The following MRTFA variants were observed in gnomAD, a reference collection of about 807,000 sequenced individuals.
MRTFA encodes myocardin related transcription factor A.
In MRTFA, 20 loss-of-function variants were observed where a neutral mutation model predicts 83.5. The observed-to-expected ratio is 0.24, with a 90% CI of 0.17 to 0.35. The LOEUF is 0.35. Among genes scored for constraint, MRTFA ranks in the 10% least tolerant of loss-of-function variants. The probability of loss-of-function intolerance (pLI) is 1.00; values close to 1 mark genes in which losing one functional copy is unlikely to be tolerated. For missense variants in MRTFA, 1,200 were observed against 1,224.7 expected (o/e 0.98, Z 0.30); for synonymous variants, 659 against 541.2 (o/e 1.22, Z -3.02).
chr22:40,544,832 G>A (rs1467408685), intron 3 of MRTFA, among the ~76,000 whole-genome samples: 1 of 152,074 alleles, frequency 6.6e-6, no homozygotes, highest in Non-Finnish European at 1.5e-5. Context: ...AACTACTCAG[G>A]AGGGTGAGGC....
At chr22:40,609,896 CG>C (rs1192451726) in intron 1 of MRTFA, among the ~76,000 whole-genome samples, 5 of 152,030 alleles carry the variant, frequency 3.3e-5, no homozygotes, top group Admixed American at 3.3e-4. Context: ...GGCAGATAAA[CG>C]TATGTCCTCT....
At chr22:40,502,225 G>A (rs1304843045) in intron 3 of MRTFA, among the ~76,000 whole-genome samples, 1 of 145,070 alleles carries the variant, frequency 6.9e-6, no homozygotes, top group Non-Finnish European at 1.5e-5. Context: ...CTTCCCAGAT[G>A]GGGTGGCTGC....
In MRTFA at chr22:40,421,091, G is replaced by A. The variant is rs1177811456; in HGVS notation, c.937C>T (p.Pro313Ser). The stretch of plus-strand genomic sequence containing the variant: ...TGTGACTTCTCACTGGCAGACTTGG[G>A]TTGGCTTTGCTGAGGGCACAGGAGA... The change falls in exon 10 of 15, where the codon CCC becomes TCC. Residue 313 changes from proline to serine, a missense_variant. Pro to Ser is a moderately conservative substitution (Grantham distance 74). Transcript: ENST00000355630. The A allele has an allele frequency of 4.6e-6, 7 of 1,532,928 alleles. No homozygotes were observed. In the South Asian group the frequency reaches 9.0e-5, roughly 20 times the overall value. The allele number at this position is 1,532,928 out of a possible 1,614,324, so 95.0% of individuals were successfully genotyped here.
intron 3 of MRTFA, among the ~76,000 whole-genome samples, chr22:40,493,631 T>C (rs893716095): frequency 6.6e-6 from 1 of 152,242 alleles, no homozygotes; most frequent in African/African-American, 2.4e-5. Flanking sequence ...AGATTGTTAC[T>C]TGGCTACTGT....
intron 3 of MRTFA, among the ~76,000 whole-genome samples, chr22:40,505,103 G>A (rs528709915): frequency 2.6e-4 from 40 of 152,276 alleles, no homozygotes; most frequent in Middle Eastern, 3.4e-3. Context: ...GATACTCACA[G>A]CATCTAGTCC....
At chr22:40,620,745 C>T (rs1357844146) in intron 1 of MRTFA, among the ~76,000 whole-genome samples, 1 of 151,964 alleles carries the variant, frequency 6.6e-6, no homozygotes, top group Non-Finnish European at 1.5e-5. Flanking sequence ...TGGGATTATC[C>T]AGAAAAGCTC....
intron 2 of MRTFA, among the ~76,000 whole-genome samples, chr22:40,554,563 T>C (rs1304622301): frequency 1.3e-5 from 2 of 152,194 alleles, no homozygotes; most frequent in Non-Finnish European, 2.9e-5. Context: ...TGACTGTAAG[T>C]TTCCTGAGGC....
chr22:40,614,587 A>G (rs899405305), intron 1 of MRTFA, among the ~76,000 whole-genome samples: 1 of 152,152 alleles, frequency 6.6e-6, no homozygotes, highest in Non-Finnish European at 1.5e-5. Flanking sequence ...TCCTGGGTTC[A>G]AGGGATTCTC....
chr22:40,551,101 C>T (rs1245778208), intron 3 of MRTFA, among the ~76,000 whole-genome samples: 3 of 151,652 alleles, frequency 2.0e-5, no homozygotes, highest in Admixed American at 2.0e-4. Flanking sequence ...CCGCCCGCCT[C>T]GGCCTCCCAA....
intron 1 of MRTFA, among the ~76,000 whole-genome samples, chr22:40,603,774 CTT>C (rs57320222): frequency 4.2e-5 from 6 of 142,174 alleles, no homozygotes; most frequent in Non-Finnish European, 4.6e-5. Context: ...TTTTTTTTTA[CTT>C]TTTTTTTTTT....
intron 1 of MRTFA, among the ~76,000 whole-genome samples, chr22:40,633,348 C>A (rs1438141265): frequency 6.6e-6 from 1 of 152,148 alleles, no homozygotes; most frequent in Non-Finnish European, 1.5e-5. Flanking sequence ...AAACAAATAT[C>A]CTCACCCCTG....
intron 3 of MRTFA, among the ~76,000 whole-genome samples, chr22:40,506,407 A>C (rs1472187397): frequency 6.6e-6 from 1 of 152,204 alleles, no homozygotes. Context: ...AGAAAATAAG[A>C]TTGTGCACAG....
intron 3 of MRTFA, among the ~76,000 whole-genome samples, chr22:40,536,186 C>A (rs900024564): frequency 2.6e-5 from 4 of 151,650 alleles, no homozygotes; most frequent in Non-Finnish European, 1.5e-5. Flanking sequence ...GTCTGTAGTC[C>A]CAGCTACTTG....
chr22:40,460,438 T>TA (rs1225046782), intron 4 of MRTFA, among the ~76,000 whole-genome samples: 3 of 152,228 alleles, frequency 2.0e-5, no homozygotes, highest in African/African-American at 7.2e-5. Flanking sequence ...GTGCTGTAAT[T>TA]ACAGTTAGTA....
chr22:40,541,590 T>C (rs1001205703), intron 3 of MRTFA, among the ~76,000 whole-genome samples: 1 of 152,136 alleles, frequency 6.6e-6, no homozygotes, highest in South Asian at 2.1e-4. Context: ...CCTGTAAACC[T>C]GGGAGGATCA....
At chr22:40,431,565 T>C (rs1054629885) in intron 5 of MRTFA, 85 bp from the exon 6 acceptor site, 3 of 1,278,148 alleles carry the variant, frequency 2.3e-6, no homozygotes, top group Non-Finnish European at 3.4e-6. Flanking sequence ...GCCTTGGCCA[T>C]GGTAGCTGCT....
chr22:40,622,015 T>G (rs988664451), intron 1 of MRTFA, among the ~76,000 whole-genome samples: 1 of 152,094 alleles, frequency 6.6e-6, no homozygotes, highest in African/African-American at 2.4e-5. Context: ...TTGAGACTTT[T>G]GGGGATGTTG....
intron 2 of MRTFA, among the ~76,000 whole-genome samples, chr22:40,567,398 C>T (rs16985899): frequency 0.082 from 12,403 of 152,146 alleles, 749 homozygotes; most frequent in East Asian, 0.25. Context: ...GACTGAGTGA[C>T]GGATATTTAG....
chr22:40,550,333 T>A (rs2055425804), intron 3 of MRTFA, among the ~76,000 whole-genome samples: 1 of 151,764 alleles, frequency 6.6e-6, no homozygotes, highest in African/African-American at 2.4e-5. Flanking sequence ...CAAGACAACT[T>A]TGAAAAAGAA....
Sources: allele counts gnomAD v4.1 joint callset (sites outside exome capture counted in the v4.1 genomes callset), GRCh38; gene constraint gnomAD v4.1.1; transcripts MANE v1.5; gene names NCBI Gene and HGNC (gene_info 2026-07-23, HGNC 2026-07-21).